Variants in TBP observed in about 807,000 individuals in gnomAD.
TBP encodes the protein TATA-box binding protein.
Under a neutral mutation model 46.2 loss-of-function variants are expected in TBP, and 12 were observed. The observed-to-expected ratio is 0.26, with a 90% confidence interval of 0.17 to 0.42. TBP has a LOEUF of 0.42. Ranked by LOEUF, TBP falls within the 10% of genes least tolerant of loss-of-function variation. The pLI, the probability that TBP is intolerant of heterozygous loss-of-function variation, is 1.00. For synonymous variants in TBP, 157 were observed against 148.3 expected, an observed-to-expected ratio of 1.06 and a Z score of -0.42; for missense variants, 229 against 403.1, an observed-to-expected ratio of 0.57 and a Z score of 3.70.
At position 170,556,965 on chromosome 6, in the gene TBP, A is replaced by T; in HGVS notation, c.-65A>T. On this transcript the variant is annotated 5_prime_UTR_variant, in exon 2 of 8. Transcript: ENST00000392092. ...AGTGTGCTGGAGATGCTCTAGGAAA[A>T]AATTGAATAGTGAGACGAGTTCCAG... The T allele has an allele frequency of 6.5e-7, 1 of 1,542,008 alleles. No homozygotes were observed. Among genetic ancestry groups the T allele is most frequent in the Non-Finnish European group, 9.0e-7 (1 of 1,116,518 alleles).
intron 2 of TBP, among the ~76,000 whole-genome samples, chr6:170,557,874 T>C (rs1050144697): frequency 5.3e-5 from 8 of 152,168 alleles, no homozygotes; most frequent in African/African-American, 1.9e-4. Flanking sequence ...AAAAGTCCCT[T>C]CTTCCCCTTT....
At position 170,572,304 on chromosome 6, in the gene TBP, T is replaced by C; in HGVS notation, c.*39T>C. The stretch of plus-strand genomic sequence containing the variant: ...CCCTTGCCTCCCCCACCCCCTTCTT[T>C]TTTTTTTTTTAAACAAATCAGTTTG... On this transcript the variant is annotated 3_prime_UTR_variant, in exon 8 of 8. Coordinates refer to ENST00000392092, the MANE Select transcript of TBP (RefSeq NM_003194.5). 1 of 1,468,210 alleles carries C rather than the reference T, an allele frequency of 6.8e-7. No individual in the cohort carries two copies. The highest frequency in any genetic ancestry group is 9.4e-7 in the Non-Finnish European group (1 of 1,066,238). The allele number at this position is 1,468,210 out of a possible 1,614,324, so 90.9% of individuals were successfully genotyped here. A position where few individuals can be genotyped will look rare whatever the true frequency, so the allele number is the denominator to read the frequency against.
chr6:170,557,245 C>T (rs1323157321), intron 2 of TBP, among the ~76,000 whole-genome samples, 162 bp downstream of exon 2: 1 of 152,092 alleles, frequency 6.6e-6, no homozygotes, highest in Non-Finnish European at 1.5e-5. Flanking sequence ...TTTGAATAGG[C>T]ACAATGGTGT....
Position 170,561,969 on chromosome 6 carries a change from AGCAGCAGCAGCAGCAGCAG to A in TBP, c.234_252del (p.Gln78HisfsTer60). 1.8e-6 allele frequency: 2 copies of A among 1,094,020 alleles called. No individual in the cohort carries two copies. The highest frequency in any genetic ancestry group is 3.5e-5 in the South Asian group (2 of 56,792). 67.8% of individuals were successfully genotyped at this position (1,094,020 alleles called of 1,614,324 possible). Reference sequence around the variant, plus strand: ...CAGCAGCAACAGCAACAGCAGCAGCAGCAGCAGCAGCAGCAGCAGCAGCAGCAGCAGCAGCAGCAGCAGC... The same window carrying A: ...CAGCAGCAACAGCAACAGCAGCAGCACAGCAGCAGCAGCAGCAGCAGCAGC... On this transcript the variant is annotated frameshift_variant, in exon 3 of 8. Transcript: ENST00000392092. LOFTEE classifies it high-confidence loss of function.
intron 1 of TBP, among the ~76,000 whole-genome samples, chr6:170,555,349 C>T (rs61130006): frequency 0.025 from 3,792 of 152,260 alleles, 158 homozygotes; most frequent in African/African-American, 0.086. Context: ...TCTAGTCTTG[C>T]CAAATTAGAT....
At chr6:170,559,772 A>G (rs759131815) in intron 2 of TBP, among the ~76,000 whole-genome samples, 5 of 152,268 alleles carry the variant, frequency 3.3e-5, no homozygotes, top group Non-Finnish European at 7.3e-5. Flanking sequence ...AGAAGATGCT[A>G]TCTAGGACTT....
At chr6:170,571,375 CT>C (rs1779363738) in intron 6 of TBP, 34 bp from the exon 7 acceptor site, 1 of 1,495,596 alleles carries the variant, frequency 6.7e-7, no homozygotes, top group African/African-American at 1.4e-5. Context: ...ACACAAAGCT[CT>C]TGATTTCTAA....
rs1779334552 is a variant in TBP at position 170,569,555 on chromosome 6, AAAT to A, written c.678-54_678-52del. The A allele has an allele frequency of 2.0e-6, 3 of 1,514,808 alleles. No homozygotes were observed. The Admixed American group carries it at 5.7e-5, about 29-fold the overall frequency. 93.8% of individuals were successfully genotyped at this position (1,514,808 alleles called of 1,614,324 possible). ...TGGACTTTTTATAAGTTATTAGTCTAAATAAGTATTTTAGCTGGCTCTGAGTAT... is the reference window on the plus strand; with the variant it reads ...TGGACTTTTTATAAGTTATTAGTCTAAAGTATTTTAGCTGGCTCTGAGTAT... On this transcript the variant is annotated intron_variant, in intron 5 of 7. Coordinates refer to ENST00000392092, the MANE Select transcript of TBP (RefSeq NM_003194.5).
intron 5 of TBP, among the ~76,000 whole-genome samples, chr6:170,567,912 G>A (rs1779294835): frequency 2.0e-5 from 3 of 152,182 alleles, no homozygotes; most frequent in Admixed American, 2.0e-4. Context: ...AGTGACATTA[G>A]CTTCATAAAT....
chr6:170,564,410 A>G (rs1240532209), intron 3 of TBP, 135 bp from the exon 4 acceptor site: 8 of 545,566 alleles, frequency 1.5e-5, no homozygotes, highest in Admixed American at 3.3e-5. Flanking sequence ...GATACTTGTT[A>G]AACAATAAAT....
intron 4 of TBP, among the ~76,000 whole-genome samples, chr6:170,565,169 G>T (rs1244032552): frequency 6.6e-6 from 1 of 152,104 alleles, no homozygotes; most frequent in East Asian, 1.9e-4. Flanking sequence ...AAAAAAATCT[G>T]TATATCAAAG....
chr6:170,562,195 G>A lies in TBP; in HGVS notation c.459G>A (p.Thr153=), dbSNP rs146011133. The A allele has an allele frequency of 1.1e-4, 181 of 1,614,036 alleles. 1 individual carries two copies. The highest frequency in any genetic ancestry group is 1.4e-4 in the Non-Finnish European group (161 of 1,179,996). ...CCATGACCCCCATCACTCCTGCCAC[G>A]CCAGCTTCGGAGAGTTCTGGGATTG... is the stretch of plus-strand genomic sequence containing the variant. ...MTPMTPITPA[T]PASESSGIVP... Residue 153 remains threonine, a synonymous_variant, in exon 3 of 8, where the codon ACG becomes ACA. Coordinates refer to ENST00000392092, the MANE Select transcript of TBP (RefSeq NM_003194.5).
chr6:170,558,803 C>T (rs928210046), intron 2 of TBP, among the ~76,000 whole-genome samples: 3 of 151,504 alleles, frequency 2.0e-5, no homozygotes, highest in African/African-American at 7.3e-5. Context: ...AAGCGATTCT[C>T]CTGCCTCAGC....
Position 170,572,298 on chromosome 6 carries a change from CTTCT to C in TBP, c.*36_*39del. 4.0e-6 allele frequency: 6 copies of C among 1,518,950 alleles called. No individual in the cohort carries two copies. The highest frequency in any genetic ancestry group is 1.8e-6 in the Non-Finnish European group (2 of 1,111,358). The allele number at this position is 1,518,950 out of a possible 1,614,324, so 94.1% of individuals were successfully genotyped here. ...CATGTACCCTTGCCTCCCCCACCCC[CTTCT>C]TTTTTTTTTTTTAAACAAATCAGTT... On this transcript the variant is annotated 3_prime_UTR_variant, in exon 8 of 8. Coordinates refer to ENST00000392092, the MANE Select transcript of TBP (RefSeq NM_003194.5).
At position 170,562,091 on chromosome 6, in the gene TBP, C is replaced by A. The variant is rs767501232; in HGVS notation, c.355C>A (p.Pro119Thr). Residue 119 changes from proline to threonine, a missense_variant, in exon 3 of 8, where the codon CCA becomes ACA. Around this residue, in one of 4 missense-constraint regions of TBP, gnomAD observed 69 missense variants for 66.2 expected, o/e 1.04. Transcript: ENST00000392092. The part of the protein sequence containing the change: ...QATQGTSGQA[P>T]QLFHSQTLTT... ...AACACAGGGAACCTCAGGCCAGGCA[C>A]CACAGCTCTTCCACTCACAGACTCT... 21 of 1,614,042 alleles carry A rather than the reference C, an allele frequency of 1.3e-5. No individual in the cohort carries two copies. The African/African-American group carries it at 2.7e-4, about 21-fold the overall frequency.
At chr6:170,556,095 A>G (rs1459055638) in intron 1 of TBP, among the ~76,000 whole-genome samples, 2 of 152,228 alleles carry the variant, frequency 1.3e-5, no homozygotes, top group Admixed American at 1.3e-4. Flanking sequence ...AGAGTCTTTC[A>G]TACATTCAGC....
intron 3 of TBP, among the ~76,000 whole-genome samples, chr6:170,562,706 T>A (rs1423130862): frequency 6.6e-6 from 1 of 152,208 alleles, no homozygotes; most frequent in Non-Finnish European, 1.5e-5. Context: ...GACGACTGTT[T>A]TTGTCATAAA....
At chr6:170,566,164 TTTA>T (rs1328538825) in intron 4 of TBP, among the ~76,000 whole-genome samples, 2 of 152,192 alleles carry the variant, frequency 1.3e-5, no homozygotes, top group South Asian at 4.1e-4. Flanking sequence ...CATGTAGGTT[TTTA>T]TTGTATAATT....
At chr6:170,570,167 C>T (rs188895316) in intron 6 of TBP, among the ~76,000 whole-genome samples, 3 of 152,260 alleles carry the variant, frequency 2.0e-5, no homozygotes, top group African/African-American at 4.8e-5. Context: ...TGAAGTTGAG[C>T]GATAGGAACA....
Sources: allele counts gnomAD v4.1 joint callset (sites outside exome capture counted in the v4.1 genomes callset), GRCh38; gene constraint gnomAD v4.1.1; regional missense constraint gnomAD v4.1.1; transcripts MANE v1.5; gene names NCBI Gene and HGNC (gene_info 2026-07-23, HGNC 2026-07-21).